PKHD1: variants seen among roughly 807,000 people sequenced by gnomAD.
The protein encoded by PKHD1 is PKHD1 ciliary IPT domain containing fibrocystin/polyductin, also known as fibrocystin.
Under a neutral mutation model 412.0 loss-of-function variants are expected in PKHD1, and 291 were observed. The observed-to-expected ratio is 0.71, with a 90% CI of 0.64 to 0.78. PKHD1 has a LOEUF of 0.78. PKHD1 is among the 30% of genes least tolerant of loss of function. The pLI is 0.00. For synonymous variants in PKHD1, 1,777 were observed against 1,821.5 expected (o/e 0.98, Z 0.62); for missense variants, 4,825 against 4,950.7 (o/e 0.97, Z 0.76).
chr6:51,638,001 G>A (rs560594830), intron 64 of PKHD1, among the ~76,000 whole-genome samples: 3 of 152,162 alleles, frequency 2.0e-5, no homozygotes, highest in African/African-American at 4.8e-5. Flanking sequence ...CAAAAGGCCC[G>A]TTGAAAGTTT....
At chr6:51,981,098 T>A (rs938361117) in intron 35 of PKHD1, among the ~76,000 whole-genome samples, 7 of 151,942 alleles carry the variant, frequency 4.6e-5, no homozygotes, top group Admixed American at 3.9e-4. Flanking sequence ...TTGGAACACA[T>A]GCCTGCCTCT....
chr6:51,975,963 TAAAAAAAAAAAA>T lies in PKHD1; in HGVS notation c.5752-15949_5752-15938del, dbSNP rs66774242. 160 of 69,782 alleles carry T rather than the reference TAAAAAAAAAAAA, an allele frequency of 2.3e-3. 2 individuals carry two copies. The highest frequency in any genetic ancestry group is 5.3e-3 in the Admixed American group (29 of 5,506). 4.3% of individuals were successfully genotyped at this position (69,782 alleles called of 1,614,324 possible). ...AACATAGCGAGACCCTTTCTCTAAT[TAAAAAAAAAAAA>T]AAAAAAAAAAAAAAACAGAAAACAA... On this transcript the variant is annotated intron_variant, in intron 35 of 66. Coordinates refer to ENST00000371117, the MANE Select transcript of PKHD1 (RefSeq NM_138694.4).
rs889154402 is a variant in PKHD1, at chr6:52,056,740, G to A, written c.1651C>T (p.Pro551Ser). 7 of 1,613,746 alleles carry A rather than the reference G, an allele frequency of 4.3e-6. No homozygotes were observed. Among genetic ancestry groups the A allele is most frequent in the Non-Finnish European group, 5.9e-6 (7 of 1,179,792 alleles). Residue 551 changes from proline to serine, a missense_variant, in exon 18 of 67, where the codon CCC becomes TCC. Transcript: ENST00000371117. ...CGGAGAAGGATGTTAGACCAAAGGG[G>A]TTCCAGTTTGCATTTTACTGCAAGT... ...ELLAVKCKLE[P>S]LWSNILLRLG...
In PKHD1 at chr6:52,027,845, G is replaced by A. The variant is rs1802450010; in HGVS notation, c.3612C>T (p.Cys1204=). The change falls in exon 31 of 67, where the codon TGC becomes TGT. Residue 1204 remains cysteine (C), a synonymous_variant. Coordinates refer to ENST00000371117, the MANE Select transcript of PKHD1 (RefSeq NM_138694.4). ...GCCACTCACCCAGCAGGGACCCACA[G>A]CAAGGCTCGATGCTGAAAACTTCTG... ...YLTEVFSIEP[C]CGSLLGGTIL... 6.2e-7 allele frequency: 1 copy of A among 1,612,406 alleles called. No individual in the cohort carries two copies. Among genetic ancestry groups the A allele is most frequent in the Non-Finnish European group, 8.5e-7 (1 of 1,178,522 alleles).
intron 35 of PKHD1, among the ~76,000 whole-genome samples, chr6:51,974,247 GA>G (rs1019845168): frequency 9.3e-5 from 14 of 149,892 alleles, no homozygotes; most frequent in African/African-American, 3.2e-4. Context: ...GAGAAAGAAA[GA>G]AAAAAAAACA....
intron 60 of PKHD1, among the ~76,000 whole-genome samples, chr6:51,704,778 A>G (rs916007583): frequency 6.6e-6 from 1 of 152,072 alleles, no homozygotes; most frequent in African/African-American, 2.4e-5. Flanking sequence ...GAGGTAGTGG[A>G]TGAAGGGTAA....
At chr6:51,939,348 C>T (rs1165503474) in intron 36 of PKHD1, among the ~76,000 whole-genome samples, 1 of 151,438 alleles carries the variant, frequency 6.6e-6, no homozygotes, top group Non-Finnish European at 1.5e-5. Context: ...AACCCGCTGA[C>T]CCCTTCTCTC....
chr6:51,797,317 A>C (rs1794771522), intron 52 of PKHD1, among the ~76,000 whole-genome samples: 1 of 152,124 alleles, frequency 6.6e-6, no homozygotes, highest in South Asian at 2.1e-4. Flanking sequence ...TATCAGGCCC[A>C]CTTTATCCAG....
At chr6:51,797,555 G>A (rs1327401322) in intron 52 of PKHD1, among the ~76,000 whole-genome samples, 1 of 152,118 alleles carries the variant, frequency 6.6e-6, no homozygotes, top group Non-Finnish European at 1.5e-5. Context: ...ATTATGTAAT[G>A]CCCTTCTCTG....
chr6:52,082,769 T>C (rs1037480559), intron 3 of PKHD1, among the ~76,000 whole-genome samples: 7 of 152,218 alleles, frequency 4.6e-5, no homozygotes, highest in African/African-American at 1.7e-4. Context: ...AAAGAATTTT[T>C]CAGCCCTCAG....
intron 36 of PKHD1, among the ~76,000 whole-genome samples, chr6:51,939,300 C>T (rs1411237470): frequency 6.6e-6 from 1 of 151,206 alleles, no homozygotes; most frequent in South Asian, 2.1e-4. Context: ...CCCTTCTCTC[C>T]GTGTCTCTAC....
At chr6:51,765,815 T>C (rs1224021316) in intron 55 of PKHD1, among the ~76,000 whole-genome samples, 1 of 152,150 alleles carries the variant, frequency 6.6e-6, no homozygotes, top group Non-Finnish European at 1.5e-5. Context: ...GCTTACAGTC[T>C]GACCTGGCAC....
intron 9 of PKHD1, 62 bp from the exon 10 acceptor site, chr6:52,070,507 T>C (rs943511027): frequency 7.8e-7 from 1 of 1,282,762 alleles, no homozygotes; most frequent in South Asian, 1.2e-5. Context: ...GGCCAGGCCA[T>C]TGCTTTCATA....
At chr6:51,687,196 G>A (rs1777554125) in intron 60 of PKHD1, among the ~76,000 whole-genome samples, 1 of 152,134 alleles carries the variant, frequency 6.6e-6, no homozygotes, top group East Asian at 1.9e-4. Flanking sequence ...AAGTTAGTTA[G>A]GCATATGAAT....
At chr6:52,077,851 G>T (rs995319606) in intron 5 of PKHD1, among the ~76,000 whole-genome samples, 2 of 152,102 alleles carry the variant, frequency 1.3e-5, no homozygotes, top group Non-Finnish European at 2.9e-5. Context: ...ACACACACCT[G>T]CCAAACATTC....
chr6:51,635,503 G>A (rs1768412439), intron 64 of PKHD1, among the ~76,000 whole-genome samples: 2 of 152,022 alleles, frequency 1.3e-5, no homozygotes, highest in Non-Finnish European at 2.9e-5. Context: ...ACACCCTTGG[G>A]ATATAATGTC....
chr6:51,847,813 C>A lies in PKHD1; in HGVS notation c.8069G>T (p.Trp2690Leu), dbSNP rs768660365. 1.2e-6 allele frequency: 2 copies of A among 1,614,050 alleles called. No individual in the cohort carries two copies. The highest frequency in any genetic ancestry group is 2.2e-5 in the East Asian group (1 of 44,868). The stretch of plus-strand genomic sequence containing the variant: ...TTGCCTCAGCTGGCTATTGAAGAAC[C>A]AGTCACAGCCTTGGTTCTGACCTGG... Reference protein sequence around the residue: ...PSPGQNQGCDWFFNSQLRQLT... With the variant: ...PSPGQNQGCDLFFNSQLRQLT... Residue 2690 changes from tryptophan to leucine, a missense_variant, in exon 50 of 67, where the codon TGG (tryptophan) becomes TTG (leucine). Trp to Leu is a moderately conservative substitution (Grantham distance 61). Transcript: ENST00000371117.
chr6:51,766,950 GT>G (rs906861521), intron 55 of PKHD1, among the ~76,000 whole-genome samples: 2 of 151,694 alleles, frequency 1.3e-5, no homozygotes, highest in African/African-American at 4.8e-5. Flanking sequence ...TAAATTACAT[GT>G]TTACTTAAAT....
At chr6:51,739,043 T>TA (rs1784218404) in intron 60 of PKHD1, among the ~76,000 whole-genome samples, 1 of 148,004 alleles carries the variant, frequency 6.8e-6, no homozygotes, top group African/African-American at 2.5e-5. Flanking sequence ...TATATATATA[T>TA]TTTTTATTTT....
Sources: gnomAD v4.1 joint callset for allele counts (sites outside exome capture counted in the v4.1 genomes callset) on GRCh38, gnomAD v4.1.1 for gene constraint, MANE v1.5 for transcripts, NCBI Gene and HGNC (gene_info 2026-07-23, HGNC 2026-07-21) for gene names.